The following HECW2 variants were observed in gnomAD, a reference collection of about 807,000 sequenced individuals.
HECW2 encodes E3 ubiquitin-protein ligase HECW2.
HECW2 carries 61 observed loss-of-function variants against 175.2 expected under a neutral mutation model. The observed-to-expected ratio is 0.35, with a 90% CI of 0.28 to 0.43. The LOEUF (loss-of-function observed/expected upper bound fraction) is 0.43, where lower values mean the gene tolerates loss of function less well. Ranked by LOEUF, HECW2 falls within the 20% of genes least tolerant of loss-of-function variation. The probability of loss-of-function intolerance (pLI) is 1.00; values close to 1 mark genes in which losing one functional copy is unlikely to be tolerated. For synonymous variants in HECW2, 671 were observed against 731.0 expected (o/e 0.92, Z 1.32); for missense variants, 1,524 against 2,000.5 (o/e 0.76, Z 4.54).
intron 1 of HECW2, among the ~76,000 whole-genome samples, chr2:196,461,432 C>G (rs914378513): frequency 6.6e-6 from 1 of 152,208 alleles, no homozygotes; most frequent in Non-Finnish European, 1.5e-5. Context: ...ATGGCACAAA[C>G]ACTTTGGAAA....
rs142328555 is a variant in HECW2, at chr2:196,199,149, C to G, written c.*2128G>C. 63 of 152,472 alleles carry G rather than the reference C, an allele frequency of 4.1e-4. No homozygotes were observed. Among genetic ancestry groups the G allele is most frequent in the African/African-American group, 1.4e-3 (58 of 41,474 alleles). The allele number at this position is 152,472 out of a possible 1,614,324, so 9.4% of individuals were successfully genotyped here. On this transcript the variant is annotated 3_prime_UTR_variant, in exon 29 of 29. Transcript: ENST00000644978. ...ACCTTTATCTGCTGCTTGGAGAATG[C>G]CAGCCCTGAAACATCTTGTATACCA...
At chr2:196,383,585 G>A (rs542782754) in intron 2 of HECW2, among the ~76,000 whole-genome samples, 6 of 152,290 alleles carry the variant, frequency 3.9e-5, no homozygotes, top group African/African-American at 1.2e-4. Flanking sequence ...TTTTCAAGAA[G>A]GGAACAGTGA....
intron 2 of HECW2, among the ~76,000 whole-genome samples, chr2:196,347,751 C>G (rs1254904938): frequency 6.6e-6 from 1 of 152,200 alleles, no homozygotes; most frequent in Non-Finnish European, 1.5e-5. Context: ...GGAAGGAAAG[C>G]TGCTGCGTTA....
At chr2:196,277,775 A>G (rs1449463684) in intron 15 of HECW2, among the ~76,000 whole-genome samples, 1 of 152,076 alleles carries the variant, frequency 6.6e-6, no homozygotes, top group Non-Finnish European at 1.5e-5. Context: ...GCACATATAT[A>G]CACCATGGAA....
chr2:196,473,297 C>T (rs1450636046), intron 1 of HECW2, among the ~76,000 whole-genome samples: 1 of 152,150 alleles, frequency 6.6e-6, no homozygotes, highest in African/African-American at 2.4e-5. Context: ...TGTGTTTTTC[C>T]ATAAAATCCT....
intron 2 of HECW2, among the ~76,000 whole-genome samples, chr2:196,420,996 C>A (rs1446943610): frequency 6.6e-6 from 1 of 152,042 alleles, no homozygotes; most frequent in Non-Finnish European, 1.5e-5. Flanking sequence ...ACTGAAAGAT[C>A]CCAATTCATT....
chr2:196,390,902 A>G (rs2125181324), intron 2 of HECW2, among the ~76,000 whole-genome samples: 1 of 152,238 alleles, frequency 6.6e-6, no homozygotes, highest in Non-Finnish European at 1.5e-5. Flanking sequence ...GAAATTCTAC[A>G]TTGTGCGAGC....
intron 1 of HECW2, among the ~76,000 whole-genome samples, chr2:196,486,261 A>G (rs1687001927): frequency 6.6e-6 from 1 of 152,222 alleles, no homozygotes; most frequent in Non-Finnish European, 1.5e-5. Context: ...TGGAGTCACA[A>G]CATTTCTCTA....
At chr2:196,446,124 G>T (rs886540342) in intron 1 of HECW2, among the ~76,000 whole-genome samples, 1 of 152,130 alleles carries the variant, frequency 6.6e-6, no homozygotes, top group African/African-American at 2.4e-5. Context: ...CTCATCTTTT[G>T]CTACTACCTT....
At chr2:196,246,561 TG>T (rs1688652788) in intron 19 of HECW2, among the ~76,000 whole-genome samples, 1 of 151,928 alleles carries the variant, frequency 6.6e-6, no homozygotes, top group Non-Finnish European at 1.5e-5. Context: ...ATTATTTTTT[TG>T]TATTTTTTTA....
intron 2 of HECW2, among the ~76,000 whole-genome samples, chr2:196,351,677 A>T (rs554130263): frequency 1.3e-5 from 2 of 152,326 alleles, no homozygotes; most frequent in South Asian, 2.1e-4. Flanking sequence ...ACATTTTCTT[A>T]AAAAATGGCA....
chr2:196,499,368 T>G (rs1436626531), intron 1 of HECW2, among the ~76,000 whole-genome samples: 1 of 152,144 alleles, frequency 6.6e-6, no homozygotes, highest in Non-Finnish European at 1.5e-5. Context: ...TTCGTTCTAC[T>G]GGACCTCTGC....
intron 2 of HECW2, among the ~76,000 whole-genome samples, chr2:196,417,686 T>C (rs1485677784): frequency 6.6e-6 from 1 of 152,248 alleles, no homozygotes; most frequent in Non-Finnish European, 1.5e-5. Flanking sequence ...CTTGCTCAAA[T>C]CAGCAGTTAC....
chr2:196,320,330 A>C lies in HECW2; in HGVS notation c.985+9T>G. On this transcript the variant is annotated intron_variant, in intron 8 of 28. Transcript: ENST00000644978. The stretch of plus-strand genomic sequence containing the variant: ...GCAATGTATTCATACAGATATATTT[A>C]TATCTCACCTTCATGAACAGAAGAC... The C allele has an allele frequency of 6.5e-7, 1 of 1,546,434 alleles. No individual in the cohort carries two copies. Among genetic ancestry groups the C allele is most frequent in the Non-Finnish European group, 8.9e-7 (1 of 1,120,596 alleles).
chr2:196,531,797 T>C (rs118006422), intron 1 of HECW2, among the ~76,000 whole-genome samples: 1 of 152,326 alleles, frequency 6.6e-6, no homozygotes, highest in East Asian at 1.9e-4. Flanking sequence ...TCTTAGCCTC[T>C]GGATCACTAT....
chr2:196,258,014 T>G (rs549953245), intron 17 of HECW2, 108 bp from the exon 18 acceptor site: 23 of 744,360 alleles, frequency 3.1e-5, no homozygotes, highest in Middle Eastern at 2.5e-4. Flanking sequence ...TGGTACCTAT[T>G]ATGTGGCAGC....
chr2:196,344,392 T>TC (rs1461339772), intron 2 of HECW2, among the ~76,000 whole-genome samples: 1 of 146,060 alleles, frequency 6.8e-6, no homozygotes, highest in Admixed American at 6.8e-5. Context: ...AGAACAGTGA[T>TC]CCCCCCAAAA....
rs185497210 is a variant in HECW2 at position 196,553,567 on chromosome 2, A to C, written c.-36+39941T>G. 2.2e-4 allele frequency among the ~76,000 whole-genome samples: 34 copies of C among 152,350 alleles called. No homozygotes were observed. The East Asian group carries it at 5.4e-3, about 24-fold the overall frequency. Reference sequence around the variant, plus strand: ...CACCCTTCAACAAAATTATACTTCCAGGCACTACCCCACTGCCATCAGGCT... The same window carrying C: ...CACCCTTCAACAAAATTATACTTCCCGGCACTACCCCACTGCCATCAGGCT... On this transcript the variant is annotated intron_variant, in intron 1 of 28. Transcript: ENST00000644978.
At chr2:196,442,954 A>G (rs985640374) in intron 1 of HECW2, among the ~76,000 whole-genome samples, 2 of 152,186 alleles carry the variant, frequency 1.3e-5, no homozygotes, top group African/African-American at 4.8e-5. Context: ...CCTCTGATAA[A>G]CCGAAACAGA....
Sources: gnomAD v4.1 joint callset for allele counts (sites outside exome capture counted in the v4.1 genomes callset) on GRCh38, gnomAD v4.1.1 for gene constraint, MANE v1.5 for transcripts, NCBI Gene and HGNC (gene_info 2026-07-23, HGNC 2026-07-21) for gene names.